Variants in IKZF3 observed in about 807,000 individuals in gnomAD.
The protein encoded by IKZF3 is IKAROS family zinc finger 3.
In IKZF3, 10 loss-of-function variants were observed where a neutral mutation model predicts 49.0. The ratio of observed to expected loss-of-function variants is 0.20; its 90% confidence interval spans 0.13 to 0.35. The LOEUF is 0.35. Among genes scored for constraint, IKZF3 ranks in the 10% least tolerant of loss-of-function variants. IKZF3 has a pLI of 1.00. For missense variants in IKZF3, 498 were observed against 664.8 expected, an observed-to-expected ratio of 0.75 and a Z score of 2.76; for synonymous variants, 209 against 228.2, an observed-to-expected ratio of 0.92 and a Z score of 0.76.
At chr17:39,843,927 A>G (rs2062555090) in intron 1 of IKZF3, among the ~76,000 whole-genome samples, 1 of 152,154 alleles carries the variant, frequency 6.6e-6, no homozygotes, top group Non-Finnish European at 1.5e-5. Flanking sequence ...TCCCCCCTAA[A>G]CTTCAAGGTA....
intron 3 of IKZF3, among the ~76,000 whole-genome samples, chr17:39,827,189 G>C (rs2061980128): frequency 6.6e-6 from 1 of 151,518 alleles, no homozygotes; most frequent in African/African-American, 2.4e-5. Context: ...GTAGAGATGG[G>C]GTTTAACCAG....
At chr17:39,836,029 G>A (rs573012039) in intron 1 of IKZF3, 13 of 633,496 alleles carry the variant, frequency 2.1e-5, no homozygotes, top group East Asian at 6.5e-5. Flanking sequence ...TTCTGCTGCC[G>A]CAGGAGGCTC....
At chr17:39,849,259 C>CTCCA (rs2062724547) in intron 1 of IKZF3, among the ~76,000 whole-genome samples, 1 of 149,952 alleles carries the variant, frequency 6.7e-6, no homozygotes, top group Non-Finnish European at 1.5e-5. Flanking sequence ...CATGCTAAAA[C>CTCCA]CCTGTCTCTA....
chr17:39,779,654 T>TG (rs890550916), intron 6 of IKZF3, among the ~76,000 whole-genome samples: 1 of 126,920 alleles, frequency 7.9e-6, no homozygotes, highest in Non-Finnish European at 1.6e-5. Context: ...TTGTTTTTTG[T>TG]TTTTTTTTTT....
rs1208271287 is a variant in IKZF3 at position 39,777,730 on chromosome 17, T to G, written c.747A>C (p.Gly249=). The change falls in exon 7 of 8, where the codon GGA becomes GGC. Residue 249 remains glycine, a synonymous_variant. Transcript: ENST00000346872. The stretch of plus-strand genomic sequence containing the variant: ...TGTCCAGTACGAGAGCTCTTTCACT[T>G]CCCATCTCTGCTTTGATGTGTCTTG... ...AEARHIKAEM[G]SERALVLDRL... 6.2e-7 allele frequency: 1 copy of G among 1,613,978 alleles called. No homozygotes were observed. The highest frequency in any genetic ancestry group is 8.5e-7 in the Non-Finnish European group (1 of 1,179,950).
intron 7 of IKZF3, among the ~76,000 whole-genome samples, chr17:39,775,519 T>A (rs993144923): frequency 6.6e-6 from 1 of 152,224 alleles, no homozygotes; most frequent in Non-Finnish European, 1.5e-5. Flanking sequence ...ACTTTTATTA[T>A]ATTAAGTAGG....
intron 3 of IKZF3, among the ~76,000 whole-genome samples, chr17:39,826,139 C>T (rs920091933): frequency 6.6e-6 from 1 of 152,202 alleles, no homozygotes; most frequent in African/African-American, 2.4e-5. Flanking sequence ...ACCTCCCAGG[C>T]TCAAACGATC....
At chr17:39,832,298 C>G (rs2062131958) in intron 1 of IKZF3, 147 bp from the exon 2 acceptor site, 1 of 528,210 alleles carries the variant, frequency 1.9e-6, no homozygotes, top group South Asian at 3.0e-5. Flanking sequence ...TCTATATTCT[C>G]CCTAAAAGCC....
intron 4 of IKZF3, among the ~76,000 whole-genome samples, chr17:39,792,161 C>T (rs2061040451): frequency 1.3e-5 from 2 of 152,078 alleles, no homozygotes; most frequent in South Asian, 2.1e-4. Context: ...TTTTTAAAGT[C>T]TTCATATGAG....
chr17:39,859,979 C>A (rs2063171207), intron 1 of IKZF3, among the ~76,000 whole-genome samples: 1 of 152,126 alleles, frequency 6.6e-6, no homozygotes, highest in Non-Finnish European at 1.5e-5. Flanking sequence ...CTCCTGTAAT[C>A]CCAGCACTTG....
intron 3 of IKZF3, among the ~76,000 whole-genome samples, chr17:39,828,196 A>C (rs1461637135): frequency 6.6e-6 from 1 of 152,222 alleles, no homozygotes; most frequent in African/African-American, 2.4e-5. Flanking sequence ...CAGAACTCCT[A>C]AGGGCCTGAT....
At chr17:39,860,380 C>T (rs2063183651) in intron 1 of IKZF3, among the ~76,000 whole-genome samples, 1 of 152,030 alleles carries the variant, frequency 6.6e-6, no homozygotes, top group African/African-American at 2.4e-5. Flanking sequence ...TAAAGTATCA[C>T]TTGAAAGCGT....
intron 1 of IKZF3, among the ~76,000 whole-genome samples, chr17:39,859,325 C>T (rs1405649977): frequency 1.3e-5 from 2 of 150,766 alleles, no homozygotes; most frequent in East Asian, 3.9e-4. Flanking sequence ...ATTATTGTTT[C>T]ATTATTGCAT....
chr17:39,847,875 C>T (rs1010988965), intron 1 of IKZF3, among the ~76,000 whole-genome samples: 1 of 152,164 alleles, frequency 6.6e-6, no homozygotes, highest in Non-Finnish European at 1.5e-5. Context: ...TTGAGTTTTA[C>T]TGTTGCTTCA....
chr17:39,791,695 TG>T, intron 4 of IKZF3, 112 bp from the exon 5 acceptor site: 1 of 1,051,932 alleles, frequency 9.5e-7, no homozygotes, highest in Non-Finnish European at 1.4e-6. Flanking sequence ...CTGTTCACAT[TG>T]GGATCAGTTG....
intron 1 of IKZF3, among the ~76,000 whole-genome samples, chr17:39,857,728 AT>A (rs1255962008): frequency 2.0e-5 from 3 of 152,172 alleles, no homozygotes; most frequent in Admixed American, 1.3e-4. Flanking sequence ...GAGTCAAATG[AT>A]CAAACACACA....
intron 1 of IKZF3, among the ~76,000 whole-genome samples, chr17:39,856,598 G>T (rs994400709): frequency 6.6e-6 from 1 of 152,106 alleles, no homozygotes; most frequent in Non-Finnish European, 1.5e-5. Context: ...CTGAGATCAG[G>T]AGTTCGAGAT....
chr17:39,768,147 G>A (rs1168575392), intron 7 of IKZF3, among the ~76,000 whole-genome samples: 6 of 152,134 alleles, frequency 3.9e-5, no homozygotes, highest in East Asian at 1.9e-4. Context: ...GGGAAGTAAC[G>A]TGTTCTTTAA....
chr17:39,838,015 T>C (rs898598259), intron 1 of IKZF3, among the ~76,000 whole-genome samples: 5 of 152,224 alleles, frequency 3.3e-5, no homozygotes, highest in African/African-American at 1.2e-4. Flanking sequence ...TGTGTTCCTT[T>C]TCTCTAAGTG....
Sources: gnomAD v4.1 joint callset for allele counts (sites outside exome capture counted in the v4.1 genomes callset) on GRCh38, gnomAD v4.1.1 for gene constraint, MANE v1.5 for transcripts, NCBI Gene and HGNC (gene_info 2026-07-23, HGNC 2026-07-21) for gene names.